Variants in SORCS3 observed in about 807,000 individuals in gnomAD.
SORCS3 encodes VPS10 domain-containing receptor SorCS3.
In SORCS3, 57 loss-of-function variants were observed where a neutral mutation model predicts 146.3. The ratio of observed to expected loss-of-function variants is 0.39; its 90% CI spans 0.31 to 0.49. The LOEUF is 0.49. Among genes scored for constraint, SORCS3 ranks in the 20% least tolerant of loss-of-function variants. The probability of loss-of-function intolerance (pLI) is 0.92; values close to 1 mark genes in which losing one functional copy is unlikely to be tolerated. For missense variants in SORCS3, 1,341 were observed against 1,575.5 expected (o/e 0.85, Z 2.52); for synonymous variants, 653 against 618.5 (o/e 1.06, Z -0.83).
At chr10:104,765,654 C>T (rs1158502713) in intron 1 of SORCS3, among the ~76,000 whole-genome samples, 1 of 152,180 alleles carries the variant, frequency 6.6e-6, no homozygotes, top group Non-Finnish European at 1.5e-5. Context: ...AGATGACCTT[C>T]CTACATGCCG....
intron 3 of SORCS3, among the ~76,000 whole-genome samples, chr10:104,970,081 T>A (rs534948540): frequency 3.1e-4 from 47 of 152,322 alleles, no homozygotes; most frequent in African/African-American, 1.1e-3. Flanking sequence ...ATGACTTCAT[T>A]GCCTGTTCTG....
intron 2 of SORCS3, among the ~76,000 whole-genome samples, chr10:104,865,323 A>G (rs1249183023): frequency 6.6e-6 from 1 of 152,130 alleles, no homozygotes; most frequent in Non-Finnish European, 1.5e-5. Flanking sequence ...AGGACTCGAG[A>G]TGTTCACTTC....
chr10:104,855,185 A>T (rs1261427809), intron 2 of SORCS3, among the ~76,000 whole-genome samples: 1 of 152,094 alleles, frequency 6.6e-6, no homozygotes, highest in African/African-American at 2.4e-5. Flanking sequence ...TTGCATTGGG[A>T]TGTGTCCATT....
intron 11 of SORCS3, among the ~76,000 whole-genome samples, chr10:105,159,715 G>A (rs1212156207): frequency 6.6e-6 from 1 of 152,222 alleles, no homozygotes; most frequent in African/African-American, 2.4e-5. Flanking sequence ...TCTAATGAAA[G>A]CAGATAAATT....
intron 7 of SORCS3, among the ~76,000 whole-genome samples, chr10:105,114,553 A>G (rs1312984502): frequency 6.6e-6 from 1 of 152,174 alleles, no homozygotes; most frequent in Non-Finnish European, 1.5e-5. Context: ...GCACAGGGAA[A>G]GGGTAGGAAC....
chr10:105,184,434 G>A (rs992159163), intron 14 of SORCS3, among the ~76,000 whole-genome samples: 1 of 152,168 alleles, frequency 6.6e-6, no homozygotes, highest in African/African-American at 2.4e-5. Flanking sequence ...GAGCTGGCCA[G>A]ACATGGCCCG....
chr10:104,745,731 C>T (rs946409782), intron 1 of SORCS3, among the ~76,000 whole-genome samples: 4 of 152,112 alleles, frequency 2.6e-5, no homozygotes, highest in Non-Finnish European at 5.9e-5. Flanking sequence ...TGATACCTCC[C>T]ACTTGCCCCC....
chr10:105,106,767 C>G (rs1589635673), intron 7 of SORCS3, among the ~76,000 whole-genome samples: 1 of 152,268 alleles, frequency 6.6e-6, no homozygotes, highest in South Asian at 2.1e-4. Context: ...CTTCAAAAAT[C>G]CCTGTTTTTT....
chr10:105,050,778 A>G (rs946885129), intron 5 of SORCS3, among the ~76,000 whole-genome samples: 5 of 152,064 alleles, frequency 3.3e-5, no homozygotes, highest in East Asian at 1.9e-4. Context: ...TCTGATCCTT[A>G]TTCTTTGCTT....
At chr10:105,060,565 A>G (rs2055478878) in intron 5 of SORCS3, among the ~76,000 whole-genome samples, 1 of 152,160 alleles carries the variant, frequency 6.6e-6, no homozygotes, top group African/African-American at 2.4e-5. Flanking sequence ...TTAAAAGGCT[A>G]TTCATTACTG....
At chr10:104,974,984 G>T (rs1156720715) in intron 3 of SORCS3, among the ~76,000 whole-genome samples, 1 of 152,026 alleles carries the variant, frequency 6.6e-6, no homozygotes, top group African/African-American at 2.4e-5. Flanking sequence ...TGAAAATCTG[G>T]GTTGAAAATT....
At chr10:105,004,000 C>CT (rs1226455197) in intron 4 of SORCS3, among the ~76,000 whole-genome samples, 2,990 of 140,262 alleles carry the variant, frequency 0.021, 60 homozygotes, top group Middle Eastern at 0.056. Context: ...TCTTCTCTCT[C>CT]TTTTTTTTTT....
chr10:104,786,073 A>C (rs776727928), intron 1 of SORCS3, among the ~76,000 whole-genome samples: 1 of 152,154 alleles, frequency 6.6e-6, no homozygotes, highest in Non-Finnish European at 1.5e-5. Flanking sequence ...CTGATCTCTG[A>C]GCACTGCTAT....
chr10:104,891,270 T>G (rs1163682212), intron 2 of SORCS3, among the ~76,000 whole-genome samples: 1 of 152,228 alleles, frequency 6.6e-6, no homozygotes, highest in East Asian at 1.9e-4. Flanking sequence ...TCTAATTCTT[T>G]CAGGCGGTTC....
At chr10:104,745,095 G>A (rs1226238208) in intron 1 of SORCS3, among the ~76,000 whole-genome samples, 4 of 152,192 alleles carry the variant, frequency 2.6e-5, no homozygotes, top group East Asian at 3.8e-4. Context: ...GGTTTGAGGA[G>A]CGATGTTCCA....
At chr10:105,164,435 C>T in intron 12 of SORCS3, 56 bp downstream of exon 12, 2 of 1,150,112 alleles carry the variant, frequency 1.7e-6, no homozygotes, top group South Asian at 2.5e-5. Flanking sequence ...TTCTACCAAT[C>T]TCTCTCTCCA....
intron 4 of SORCS3, among the ~76,000 whole-genome samples, chr10:104,992,470 T>C (rs2055000256): frequency 6.6e-6 from 1 of 152,210 alleles, no homozygotes; most frequent in African/African-American, 2.4e-5. Flanking sequence ...TCAGCAGATC[T>C]CAGATGTGCC....
At chr10:104,808,673 GC>G (rs1424884918) in intron 1 of SORCS3, among the ~76,000 whole-genome samples, 6 of 152,206 alleles carry the variant, frequency 3.9e-5, no homozygotes, top group African/African-American at 1.2e-4. Flanking sequence ...GGAGACTGGA[GC>G]CCATCATGAA....
At chr10:105,030,833 T>C (rs2055261656) in intron 4 of SORCS3, among the ~76,000 whole-genome samples, 1 of 151,860 alleles carries the variant, frequency 6.6e-6, no homozygotes, top group South Asian at 2.1e-4. Flanking sequence ...CCTCAGGTGA[T>C]CTGCCCACTT....
Sources: allele counts gnomAD v4.1 joint callset (sites outside exome capture counted in the v4.1 genomes callset), GRCh38; gene constraint gnomAD v4.1.1; transcripts MANE v1.5; gene names NCBI Gene and HGNC (gene_info 2026-07-23, HGNC 2026-07-21).